NRXN1: variants seen among roughly 807,000 people sequenced by gnomAD.
The protein encoded by NRXN1 is neurexin-1.
In NRXN1, 39 loss-of-function variants were observed where a neutral mutation model predicts 150.9. The ratio of observed to expected loss-of-function variants is 0.26; its 90% CI spans 0.20 to 0.34. The LOEUF (loss-of-function observed/expected upper bound fraction) is 0.34, where lower values mean the gene tolerates loss of function less well. NRXN1 is among the 10% of genes least tolerant of loss of function. NRXN1 has a pLI of 1.00. For missense variants in NRXN1, 1,815 were observed against 1,949.9 expected, an observed-to-expected ratio of 0.93 and a Z score of 1.30; for synonymous variants, 924 against 757.0, an observed-to-expected ratio of 1.22 and a Z score of -3.62.
At chr2:50,102,995 A>T (rs1276839527) in intron 18 of NRXN1, among the ~76,000 whole-genome samples, 2 of 152,122 alleles carry the variant, frequency 1.3e-5, no homozygotes, top group Non-Finnish European at 2.9e-5. Flanking sequence ...ATGGTGAAGC[A>T]CATTTAAAAA....
chr2:50,134,273 G>GAAA lies in NRXN1; in HGVS notation c.3547-42782_3547-42780dup, dbSNP rs59985780. On this transcript the variant is annotated intron_variant, in intron 18 of 22. Coordinates refer to ENST00000401669, the MANE Select transcript of NRXN1 (RefSeq NM_001330078.2). ...TGCCAAAACCAATTAAAAGTAACCA[G>GAAA]AAAAAAAAAAAAAAAAAAAGAGAAC... 1.6e-3 allele frequency among the ~76,000 whole-genome samples: 153 copies of GAAA among 96,452 alleles called. 5 individuals are homozygous for GAAA. The highest frequency in any genetic ancestry group is 6.0e-3 in the South Asian group (17 of 2,828). The allele number at this position is 96,452 out of a possible 152,430, so 63.3% of individuals were successfully genotyped here.
chr2:50,912,573 A>G (rs1044687579), intron 5 of NRXN1, among the ~76,000 whole-genome samples: 1 of 151,506 alleles, frequency 6.6e-6, no homozygotes, highest in South Asian at 2.1e-4. Context: ...TGAGTGAAAC[A>G]TGTGAGTAAC....
chr2:50,183,444 C>A (rs942762106), intron 18 of NRXN1, among the ~76,000 whole-genome samples: 10 of 151,438 alleles, frequency 6.6e-5, no homozygotes, highest in Non-Finnish European at 1.3e-4. Context: ...TTTAAACCAA[C>A]CTCTATTTGA....
intron 17 of NRXN1, among the ~76,000 whole-genome samples, chr2:50,388,582 C>G (rs1048871522): frequency 6.6e-6 from 1 of 152,156 alleles, no homozygotes; most frequent in African/African-American, 2.4e-5. Context: ...AGGAAGTTGG[C>G]AGTAACTCTA....
chr2:50,775,791 A>G (rs3850333), intron 5 of NRXN1, among the ~76,000 whole-genome samples: 91,239 of 151,932 alleles, frequency 0.6, 27,476 homozygotes, highest in East Asian at 0.68. Flanking sequence ...TTGTCTTAAC[A>G]TTTTGGTCTC....
chr2:51,002,759 C>T (rs771718220), intron 2 of NRXN1, among the ~76,000 whole-genome samples: 1 of 151,828 alleles, frequency 6.6e-6, no homozygotes, highest in Non-Finnish European at 1.5e-5. Flanking sequence ...AATGGAATGA[C>T]GGAAATTATA....
At chr2:50,637,512 G>T (rs1455611912) in intron 5 of NRXN1, 1 of 152,238 alleles carries the variant, frequency 6.6e-6, no homozygotes, top group Non-Finnish European at 1.5e-5. Context: ...AGAAAGACTT[G>T]AGGTAACTCA....
intron 15 of NRXN1, among the ~76,000 whole-genome samples, chr2:50,487,184 GGATGATGGTGAT>G (rs1001557294): frequency 3.3e-5 from 5 of 152,130 alleles, no homozygotes; most frequent in African/African-American, 1.2e-4. Flanking sequence ...AGGTAGATGA[GGATGATGGTGAT>G]GATGATGGTG....
chr2:50,394,719 A>G (rs2081954868), intron 17 of NRXN1, among the ~76,000 whole-genome samples: 1 of 152,066 alleles, frequency 6.6e-6, no homozygotes, highest in Non-Finnish European at 1.5e-5. Context: ...AGTCATCCTC[A>G]TGATCAAATG....
intron 5 of NRXN1, among the ~76,000 whole-genome samples, chr2:50,638,486 G>C (rs1683561675): frequency 6.6e-6 from 1 of 152,106 alleles, no homozygotes; most frequent in Admixed American, 6.6e-5. Flanking sequence ...TCACTACTTA[G>C]TTTGGAAGCA....
At chr2:50,928,927 C>CTT (rs1687323957) in intron 2 of NRXN1, among the ~76,000 whole-genome samples, 1 of 152,130 alleles carries the variant, frequency 6.6e-6, no homozygotes, top group East Asian at 1.9e-4. Context: ...CTCTTGCTTT[C>CTT]TTTTCATTGG....
intron 17 of NRXN1, among the ~76,000 whole-genome samples, chr2:50,436,449 G>A (rs1182597962): frequency 1.4e-5 from 2 of 140,294 alleles, no homozygotes; most frequent in South Asian, 2.3e-4. Flanking sequence ...GTGAAACTCC[G>A]TCTCAAGGAA....
intron 17 of NRXN1, among the ~76,000 whole-genome samples, chr2:50,366,169 T>TTTA (rs1553502380): frequency 9.3e-5 from 14 of 150,182 alleles, no homozygotes; most frequent in African/African-American, 2.9e-4. Flanking sequence ...TTTTTTTTTT[T>TTTA]ACATCCAGAG....
intron 8 of NRXN1, among the ~76,000 whole-genome samples, chr2:50,591,417 TA>T (rs1178160721): frequency 6.6e-6 from 1 of 151,864 alleles, no homozygotes; most frequent in Non-Finnish European, 1.5e-5. Flanking sequence ...GATAGATAGA[TA>T]GATAGATAGA....
At chr2:50,430,335 A>G (rs745648055) in intron 17 of NRXN1, among the ~76,000 whole-genome samples, 1 of 120,450 alleles carries the variant, frequency 8.3e-6, no homozygotes, top group African/African-American at 3.5e-5. Flanking sequence ...GGGCAGGTAG[A>G]AAAAAACAGC....
At chr2:50,619,085 T>A (rs1367942557) in intron 8 of NRXN1, 1 of 152,154 alleles carries the variant, frequency 6.6e-6, no homozygotes, top group Non-Finnish European at 1.5e-5. Flanking sequence ...TTTTCCCTAA[T>A]GCTTAACTGA....
chr2:50,347,419 G>C lies in NRXN1; in HGVS notation c.3365-110449C>G. On this transcript the variant is annotated intron_variant, in intron 17 of 22. Transcript: ENST00000401669. The surrounding 1 kb of genome is among the most constrained non-coding windows in gnomAD (Gnocchi z 4.9). ...AAATCCATTTAGCTTTGTGTGCGGGGACTAGGGAGGCCACTTCGCCGGCCC... is the reference window on the plus strand; with the variant it reads ...AAATCCATTTAGCTTTGTGTGCGGGCACTAGGGAGGCCACTTCGCCGGCCC... 1 of 1,155,646 alleles carries C rather than the reference G, an allele frequency of 8.7e-7. No individual in the cohort carries two copies. The allele number at this position is 1,155,646 out of a possible 1,614,324, so 71.6% of individuals were successfully genotyped here.
intron 3 of NRXN1, among the ~76,000 whole-genome samples, chr2:50,924,475 G>A (rs56309954): frequency 6.6e-6 from 1 of 151,602 alleles, no homozygotes; most frequent in Non-Finnish European, 1.5e-5. Context: ...GATTTTAAGA[G>A]AAAAGAAAAG....
chr2:51,027,355 G>GA (rs1298904621), intron 2 of NRXN1, 147 bp downstream of exon 2: 1 of 778,954 alleles, frequency 1.3e-6, no homozygotes, highest in Non-Finnish European at 1.9e-6. Flanking sequence ...TGGTAAGGTA[G>GA]AGAGTCCCCC....
Sources: gnomAD v4.1 joint callset for allele counts (sites outside exome capture counted in the v4.1 genomes callset) on GRCh38, gnomAD v4.1.1 for gene constraint, Gnocchi (gnomAD v3.1) non-coding constraint, MANE v1.5 for transcripts, NCBI Gene and HGNC (gene_info 2026-07-23, HGNC 2026-07-21) for gene names.